TRAPPC9: variants seen among roughly 807,000 people sequenced by gnomAD.
The protein encoded by TRAPPC9 is trafficking protein particle complex subunit 9, also known as IKK2 binding protein.
Under a neutral mutation model 124.0 loss-of-function variants are expected in TRAPPC9, and 83 were observed. That is an observed-to-expected ratio of 0.67 (90% CI 0.56 to 0.80). TRAPPC9 has a LOEUF of 0.80. Ranked by LOEUF, TRAPPC9 falls within the 30% of genes least tolerant of loss-of-function variation. The pLI, the probability that TRAPPC9 is intolerant of heterozygous loss-of-function variation, is 0.00. For synonymous variants in TRAPPC9, 638 were observed against 617.5 expected (o/e 1.03, Z -0.49); for missense variants, 1,302 against 1,508.3 (o/e 0.86, Z 2.27).
chr8:140,446,457 C>T (rs1479094998), intron 2 of TRAPPC9, among the ~76,000 whole-genome samples: 1 of 152,176 alleles, frequency 6.6e-6, no homozygotes, highest in African/African-American at 2.4e-5. Flanking sequence ...GGCCTTGTGT[C>T]TGCAAGATCC....
chr8:140,427,698 T>C (rs183143739), intron 4 of TRAPPC9, among the ~76,000 whole-genome samples: 65 of 152,288 alleles, frequency 4.3e-4, no homozygotes, highest in Non-Finnish European at 8.2e-4. Context: ...TTCAAAAAGG[T>C]ATGTCCCAAT....
intron 19 of TRAPPC9, among the ~76,000 whole-genome samples, chr8:139,982,717 T>G (rs1470156914): frequency 1.3e-5 from 2 of 152,220 alleles, no homozygotes; most frequent in Non-Finnish European, 2.9e-5. Context: ...AAGGAGAGAT[T>G]AGGAAGGTGA....
intron 7 of TRAPPC9, among the ~76,000 whole-genome samples, chr8:140,382,142 A>G (rs1179256328): frequency 6.6e-6 from 1 of 152,236 alleles, no homozygotes; most frequent in Non-Finnish European, 1.5e-5. Context: ...AAGTGGCCAT[A>G]AGAAGGAATG....
At chr8:139,976,963 C>T (rs552670664) in intron 19 of TRAPPC9, among the ~76,000 whole-genome samples, 7 of 152,228 alleles carry the variant, frequency 4.6e-5, no homozygotes, top group African/African-American at 1.4e-4. Context: ...CCTGCAGGGC[C>T]GCGGAATCAG....
At chr8:140,117,073 T>C (rs2060902219) in intron 17 of TRAPPC9, among the ~76,000 whole-genome samples, 1 of 152,100 alleles carries the variant, frequency 6.6e-6, no homozygotes, top group South Asian at 2.1e-4. Context: ...ACCGCCCCAT[T>C]CTGACCCTTG....
chr8:139,850,017 G>A (rs940419022), intron 21 of TRAPPC9, among the ~76,000 whole-genome samples: 4 of 152,206 alleles, frequency 2.6e-5, no homozygotes, highest in East Asian at 1.9e-4. Flanking sequence ...TCTGCTTCTC[G>A]GTTCCCGCAT....
intron 18 of TRAPPC9, among the ~76,000 whole-genome samples, chr8:140,023,339 C>T (rs1431124056): frequency 6.6e-6 from 1 of 152,242 alleles, no homozygotes; most frequent in African/African-American, 2.4e-5. Context: ...AAAGAATACC[C>T]TGAGTATCTC....
intron 21 of TRAPPC9, among the ~76,000 whole-genome samples, chr8:139,814,146 C>T (rs1824649263): frequency 6.6e-6 from 1 of 152,242 alleles, no homozygotes; most frequent in Non-Finnish European, 1.5e-5. Context: ...CACAGCTGTT[C>T]AGTCCACCCA....
intron 19 of TRAPPC9, among the ~76,000 whole-genome samples, chr8:139,914,414 C>T (rs1831967692): frequency 1.3e-5 from 2 of 152,312 alleles, no homozygotes; most frequent in Non-Finnish European, 1.5e-5. Flanking sequence ...AGAGGAAGGG[C>T]GGAAGGCGCT....
intron 21 of TRAPPC9, among the ~76,000 whole-genome samples, chr8:139,764,353 CACA>C (rs944901635): frequency 1.3e-5 from 2 of 152,106 alleles, no homozygotes; most frequent in African/African-American, 4.8e-5. Context: ...TAGGAGATGC[CACA>C]ACATCTTTGC....
At chr8:140,443,848 C>G (rs947782213) in intron 2 of TRAPPC9, among the ~76,000 whole-genome samples, 31 of 150,488 alleles carry the variant, frequency 2.1e-4, no homozygotes, top group Non-Finnish European at 1.5e-5. Flanking sequence ...ACCAGCCTGG[C>G]CAACATGGTG....
chr8:140,408,025 G>C (rs1038401321), intron 5 of TRAPPC9, among the ~76,000 whole-genome samples: 2 of 152,178 alleles, frequency 1.3e-5, no homozygotes, highest in African/African-American at 4.8e-5. Flanking sequence ...GCTCCCAAGA[G>C]AGCTTAGTGG....
chr8:140,143,134 G>C (rs1286541286), intron 17 of TRAPPC9, among the ~76,000 whole-genome samples: 1 of 152,366 alleles, frequency 6.6e-6, no homozygotes, highest in East Asian at 1.9e-4. Context: ...AGCTGAGACA[G>C]TGTGCTGGTT....
At chr8:139,772,921 A>G (rs1410378712) in intron 21 of TRAPPC9, among the ~76,000 whole-genome samples, 3 of 152,224 alleles carry the variant, frequency 2.0e-5, no homozygotes, top group Non-Finnish European at 4.4e-5. Context: ...GAAGAAACCA[A>G]TGCTGCCGAC....
At chr8:139,749,695 G>A (rs1819187829) in intron 21 of TRAPPC9, among the ~76,000 whole-genome samples, 1 of 152,200 alleles carries the variant, frequency 6.6e-6, no homozygotes, top group Non-Finnish European at 1.5e-5. Context: ...TAAAGTCTTA[G>A]AGCACAAACG....
At chr8:140,213,070 CA>C (rs71520260) in intron 17 of TRAPPC9, among the ~76,000 whole-genome samples, 57 of 117,898 alleles carry the variant, frequency 4.8e-4, no homozygotes, top group African/African-American at 8.0e-4. Flanking sequence ...GACTCTGTCT[CA>C]AAAAAAAAAA....
intron 19 of TRAPPC9, among the ~76,000 whole-genome samples, chr8:139,980,844 G>A (rs986102201): frequency 2.0e-5 from 3 of 152,126 alleles, no homozygotes; most frequent in South Asian, 2.1e-4. Context: ...CACCTTCCAC[G>A]CGCTAGGAAA....
At chr8:140,354,629 T>G (rs1445468624) in intron 9 of TRAPPC9, among the ~76,000 whole-genome samples, 1 of 152,226 alleles carries the variant, frequency 6.6e-6, no homozygotes, top group Non-Finnish European at 1.5e-5. Context: ...TCTTCAACCC[T>G]GGGGTCACGT....
At chr8:140,275,883 T>C in intron 14 of TRAPPC9, 62 bp from the exon 15 acceptor site, 2 of 1,351,186 alleles carry the variant, frequency 1.5e-6, no homozygotes, top group Non-Finnish European at 1.0e-6. Context: ...ATTTGAAAAT[T>C]ACTCACTTCC....
Sources: gnomAD v4.1 joint callset for allele counts (sites outside exome capture counted in the v4.1 genomes callset) on GRCh38, gnomAD v4.1.1 for gene constraint, MANE v1.5 for transcripts, NCBI Gene and HGNC (gene_info 2026-07-23, HGNC 2026-07-21) for gene names.